The following TAFA1 variants were observed in gnomAD, a reference collection of about 807,000 sequenced individuals.
The protein encoded by TAFA1 is TAFA chemokine like family member 1.
TAFA1 carries 4 observed loss-of-function variants against 18.5 expected under a neutral mutation model. The ratio of observed to expected loss-of-function variants is 0.22; its 90% CI spans 0.11 to 0.49. The LOEUF (loss-of-function observed/expected upper bound fraction) is 0.49. Ranked by LOEUF, TAFA1 falls within the 20% of genes least tolerant of loss-of-function variation. The pLI is 0.98. For synonymous variants in TAFA1, 56 were observed against 55.2 expected (o/e 1.01, Z -0.06); for missense variants, 147 against 169.0 (o/e 0.87, Z 0.72).
At chr3:68,452,833 G>A (rs529304600) in intron 3 of TAFA1, among the ~76,000 whole-genome samples, 58 of 152,246 alleles carry the variant, frequency 3.8e-4, no homozygotes, top group African/African-American at 1.4e-3. Flanking sequence ...CAAGCTTTGG[G>A]CAATCATTAT....
At chr3:68,460,495 C>T (rs1013354441) in intron 3 of TAFA1, among the ~76,000 whole-genome samples, 2 of 152,038 alleles carry the variant, frequency 1.3e-5, no homozygotes, top group African/African-American at 2.4e-5. Context: ...CTAGCAGGAA[C>T]GTAACTATCC....
At chr3:68,196,945 G>C (rs1224380996) in intron 2 of TAFA1, among the ~76,000 whole-genome samples, 1 of 151,762 alleles carries the variant, frequency 6.6e-6, no homozygotes, top group Non-Finnish European at 1.5e-5. Context: ...CAACTGCATG[G>C]AATGGATTTC....
chr3:68,501,063 G>A (rs1007884508), intron 3 of TAFA1, among the ~76,000 whole-genome samples: 2 of 148,424 alleles, frequency 1.3e-5, no homozygotes, highest in Non-Finnish European at 3.0e-5. Context: ...GCTGAGGCAC[G>A]AGAATCACTT....
At chr3:68,037,790 T>C (rs928718573) in intron 2 of TAFA1, among the ~76,000 whole-genome samples, 2 of 152,326 alleles carry the variant, frequency 1.3e-5, no homozygotes, top group Middle Eastern at 3.4e-3. Flanking sequence ...TCTACTGCTC[T>C]GAAGGCCCAA....
At chr3:68,479,223 C>T (rs1175756404) in intron 3 of TAFA1, among the ~76,000 whole-genome samples, 1 of 91,228 alleles carries the variant, frequency 1.1e-5, no homozygotes, top group Non-Finnish European at 1.9e-5. Flanking sequence ...AAGTGAGACT[C>T]CATCTCAAAA....
intron 3 of TAFA1, among the ~76,000 whole-genome samples, chr3:68,526,666 C>A (rs1318971423): frequency 6.6e-6 from 1 of 152,110 alleles, no homozygotes; most frequent in African/African-American, 2.4e-5. Flanking sequence ...ATAGTACTCT[C>A]ATAATGTACT....
chr3:68,320,626 T>C (rs1215618775), intron 2 of TAFA1, among the ~76,000 whole-genome samples: 6 of 152,346 alleles, frequency 3.9e-5, no homozygotes, highest in African/African-American at 1.4e-4. Flanking sequence ...GCTCTCCCTG[T>C]GACCCAGGGC....
intron 2 of TAFA1, among the ~76,000 whole-genome samples, chr3:68,011,950 C>T (rs749002414): frequency 3.3e-5 from 5 of 152,148 alleles, no homozygotes; most frequent in South Asian, 2.1e-4. Flanking sequence ...CTCTTACTTA[C>T]GTAAGCTCAA....
chr3:68,337,607 A>G (rs538056793), intron 2 of TAFA1, among the ~76,000 whole-genome samples: 2 of 152,310 alleles, frequency 1.3e-5, no homozygotes, highest in Non-Finnish European at 2.9e-5. Flanking sequence ...GGTAATAAAC[A>G]TACCCATCAC....
chr3:68,035,790 TG>T (rs1446469884), intron 2 of TAFA1, among the ~76,000 whole-genome samples: 1 of 152,156 alleles, frequency 6.6e-6, no homozygotes, highest in East Asian at 1.9e-4. Context: ...TGTCCTTTAA[TG>T]GGTTGGATAG....
At chr3:68,362,340 C>T (rs1349531155) in intron 2 of TAFA1, among the ~76,000 whole-genome samples, 2 of 152,226 alleles carry the variant, frequency 1.3e-5, no homozygotes, top group Middle Eastern at 3.4e-3. Flanking sequence ...CTCCTAGAGA[C>T]TTGCAAAGCA....
intron 2 of TAFA1, among the ~76,000 whole-genome samples, chr3:68,407,495 A>G (rs1020234140): frequency 6.6e-6 from 1 of 152,144 alleles, no homozygotes; most frequent in African/African-American, 2.4e-5. Flanking sequence ...AATAGCTATA[A>G]TATGTCTACT....
At chr3:68,140,083 C>G (rs560001519) in intron 2 of TAFA1, among the ~76,000 whole-genome samples, 1 of 152,324 alleles carries the variant, frequency 6.6e-6, no homozygotes, top group South Asian at 2.1e-4. Flanking sequence ...TCTTGCATCT[C>G]AAACTGCAGT....
In TAFA1 at chr3:68,166,048, A is replaced by C. The variant is rs75103620; in HGVS notation, c.118+159304A>C. 6.6e-5 allele frequency among the ~76,000 whole-genome samples: 10 copies of C among 152,364 alleles called. No homozygotes were observed. The East Asian group carries it at 9.6e-4, about 15-fold the overall frequency. ...ATTGAAAAGTGATGTGAGTAGACAT[A>C]GCAATGCCAGATAGAAGATAGAAAA... On this transcript the variant is annotated intron_variant, in intron 2 of 4. Transcript: ENST00000478136.
At chr3:68,296,574 C>A (rs2068211412) in intron 2 of TAFA1, among the ~76,000 whole-genome samples, 1 of 149,486 alleles carries the variant, frequency 6.7e-6, no homozygotes. Context: ...GATACTTACT[C>A]AAAAAAAAAA....
intron 3 of TAFA1, among the ~76,000 whole-genome samples, chr3:68,533,098 AGAAG>A (rs1239191847): frequency 6.6e-6 from 1 of 150,748 alleles, no homozygotes; most frequent in East Asian, 1.9e-4. Context: ...AAAAAAAAAA[AGAAG>A]GAAGGTATGT....
chr3:68,521,796 G>T (rs1264269247), intron 3 of TAFA1, among the ~76,000 whole-genome samples: 3 of 141,402 alleles, frequency 2.1e-5, no homozygotes, highest in African/African-American at 8.1e-5. Flanking sequence ...AGTGAAATTT[G>T]TTTGCTTATG....
intron 3 of TAFA1, among the ~76,000 whole-genome samples, chr3:68,504,528 C>G (rs1447076698): frequency 6.6e-6 from 1 of 152,122 alleles, no homozygotes; most frequent in Non-Finnish European, 1.5e-5. Flanking sequence ...ATTAGTTTCA[C>G]CTGGTCCACA....
chr3:68,066,996 T>C (rs990684548), intron 2 of TAFA1, among the ~76,000 whole-genome samples: 8 of 152,180 alleles, frequency 5.3e-5, no homozygotes, highest in Admixed American at 4.6e-4. Context: ...TGACATGGTA[T>C]CAAGCAAGAC....
Sources: allele counts gnomAD v4.1 joint callset (sites outside exome capture counted in the v4.1 genomes callset), GRCh38; gene constraint gnomAD v4.1.1; transcripts MANE v1.5; gene names NCBI Gene and HGNC (gene_info 2026-07-23, HGNC 2026-07-21).